The following DGKB variants were observed in gnomAD, a reference collection of about 807,000 sequenced individuals.
DGKB encodes the protein diacylglycerol kinase beta, also known as 90 kDa diacylglycerol kinase.
A neutral mutation model predicts 114.3 loss-of-function variants in DGKB; 67 were observed. The ratio of observed to expected loss-of-function variants is 0.59; its 90% CI spans 0.48 to 0.72. The LOEUF is 0.72. Among genes scored for constraint, DGKB ranks in the 30% least tolerant of loss-of-function variants. The pLI, the probability that DGKB is intolerant of heterozygous loss-of-function variation, is 0.00. For synonymous variants in DGKB, 398 were observed against 323.1 expected (o/e 1.23, Z -2.49); for missense variants, 907 against 975.2 (o/e 0.93, Z 0.93).
chr7:14,649,544 A>C lies in DGKB; in HGVS notation c.1135-19276T>G, dbSNP rs969976058. Among the ~76,000 whole-genome samples the C allele has an allele frequency of 6.6e-5, 10 of 152,270 alleles. No individual in the cohort carries two copies. The South Asian group carries it at 1.5e-3, about 22-fold the overall frequency. ...CGGTACCAGTTGCTGCAAAATCATG[A>C]CAAAATGTAAAGACCATCAACACTA... On this transcript the variant is annotated intron_variant, in intron 13 of 25. Transcript: ENST00000402815.
chr7:14,790,166 C>A (rs1054807609), intron 2 of DGKB, among the ~76,000 whole-genome samples: 1 of 152,014 alleles, frequency 6.6e-6, no homozygotes, highest in African/African-American at 2.4e-5. Flanking sequence ...TCGAATTTTG[C>A]GAGTTCATTA....
chr7:14,278,451 T>A (rs967704055), intron 23 of DGKB, among the ~76,000 whole-genome samples: 2 of 152,148 alleles, frequency 1.3e-5, no homozygotes, highest in African/African-American at 4.8e-5. Context: ...TGCAGAGGAA[T>A]GAAACTTGAT....
intron 4 of DGKB, among the ~76,000 whole-genome samples, chr7:14,750,834 T>A (rs10234845): frequency 8.0e-6 from 1 of 125,426 alleles, no homozygotes; most frequent in Non-Finnish European, 1.6e-5. Context: ...AGAGTCTCAC[T>A]CTGTTGTTGC....
At chr7:14,610,395 G>A (rs977046447) in intron 16 of DGKB, among the ~76,000 whole-genome samples, 1 of 152,002 alleles carries the variant, frequency 6.6e-6, no homozygotes, top group African/African-American at 2.4e-5. Flanking sequence ...AGGAAGAAGT[G>A]GAGGAAGATA....
At chr7:14,231,796 A>G (rs986974622) in intron 23 of DGKB, among the ~76,000 whole-genome samples, 4 of 151,980 alleles carry the variant, frequency 2.6e-5, no homozygotes, top group Admixed American at 2.0e-4. Context: ...ATCTTTATTG[A>G]TTTTCGAGGA....
chr7:14,324,700 C>A (rs1034857261), intron 23 of DGKB, among the ~76,000 whole-genome samples: 3 of 151,996 alleles, frequency 2.0e-5, no homozygotes, highest in African/African-American at 7.2e-5. Flanking sequence ...GTGATGTTTT[C>A]CTTTTTAATT....
intron 19 of DGKB, among the ~76,000 whole-genome samples, chr7:14,580,459 A>T (rs890088294): frequency 1.3e-5 from 2 of 151,848 alleles, no homozygotes; most frequent in African/African-American, 4.8e-5. Flanking sequence ...TAACGTATTC[A>T]CTCCTGGGAA....
chr7:14,289,286 C>A (rs1167526164), intron 23 of DGKB, among the ~76,000 whole-genome samples: 1 of 149,208 alleles, frequency 6.7e-6, no homozygotes, highest in Non-Finnish European at 1.5e-5. Context: ...AGTAATGAGA[C>A]AAATAGAGTG....
At chr7:14,596,566 CATATT>C (rs1209812018) in intron 17 of DGKB, among the ~76,000 whole-genome samples, 1 of 152,110 alleles carries the variant, frequency 6.6e-6, no homozygotes, top group Non-Finnish European at 1.5e-5. Context: ...CCATGAACCA[CATATT>C]ATAAGTCTCA....
chr7:14,646,919 G>T (rs1029546334), intron 13 of DGKB, among the ~76,000 whole-genome samples: 2 of 151,120 alleles, frequency 1.3e-5, no homozygotes, highest in African/African-American at 4.9e-5. Flanking sequence ...CAAGAAACTA[G>T]AAAAGCAAGA....
At chr7:14,659,388 T>G (rs1816560208) in intron 13 of DGKB, among the ~76,000 whole-genome samples, 1 of 152,046 alleles carries the variant, frequency 6.6e-6, no homozygotes, top group African/African-American at 2.4e-5. Flanking sequence ...TCCATTTGTT[T>G]GTATCCTCTT....
intron 23 of DGKB, among the ~76,000 whole-genome samples, chr7:14,257,323 T>G (rs6955524): frequency 0.33 from 50,789 of 151,974 alleles, 9,221 homozygotes; most frequent in Non-Finnish European, 0.4. Flanking sequence ...CAGACATTTT[T>G]ATTAGCTTGG....
intron 23 of DGKB, chr7:14,191,449 G>A (rs1391704437): frequency 5.8e-6 from 1 of 173,274 alleles, no homozygotes; most frequent in African/African-American, 2.4e-5. Flanking sequence ...AGATGGCAAT[G>A]CCAGTGGAAC....
intron 23 of DGKB, among the ~76,000 whole-genome samples, chr7:14,280,007 G>C (rs191867089): frequency 6.6e-6 from 1 of 151,734 alleles, no homozygotes; most frequent in African/African-American, 2.4e-5. Flanking sequence ...AAAGCTGGAC[G>C]GAGAATGACT....
chr7:14,769,099 AAGAAAGAAAGAAAGAAAGAAAGAAAGAG>A (rs767681180), intron 2 of DGKB, among the ~76,000 whole-genome samples: 6,018 of 139,292 alleles, frequency 0.043, 220 homozygotes, highest in Admixed American at 0.097. Context: ...GAAAGAAAGA[AAGAAAGAAAGAAAGAAAGAAAGAAAGAG>A]AGAGAGAGAA....
intron 1 of DGKB, among the ~76,000 whole-genome samples, chr7:14,870,743 C>T (rs991229589): frequency 2.6e-5 from 4 of 151,790 alleles, no homozygotes; most frequent in African/African-American, 9.7e-5. Context: ...TGCAGTGAGC[C>T]GAGATAGTAC....
chr7:14,471,581 G>A (rs183507492), intron 21 of DGKB, among the ~76,000 whole-genome samples: 272 of 151,236 alleles, frequency 1.8e-3, no homozygotes, highest in African/African-American at 6.1e-3. Context: ...AGTGCTCAGG[G>A]ATTTATGTTA....
At chr7:14,411,161 C>T (rs1824813748) in intron 21 of DGKB, among the ~76,000 whole-genome samples, 1 of 152,114 alleles carries the variant, frequency 6.6e-6, no homozygotes, top group Non-Finnish European at 1.5e-5. Flanking sequence ...ATATTCAACA[C>T]CGTTATAAAA....
intron 15 of DGKB, among the ~76,000 whole-genome samples, chr7:14,614,856 G>T (rs1806227165): frequency 6.6e-6 from 1 of 151,984 alleles, no homozygotes; most frequent in Admixed American, 6.6e-5. Flanking sequence ...AATTCAGCTG[G>T]GAGAAGGATG....
Sources: allele counts gnomAD v4.1 joint callset (sites outside exome capture counted in the v4.1 genomes callset), GRCh38; gene constraint gnomAD v4.1.1; transcripts MANE v1.5; gene names NCBI Gene and HGNC (gene_info 2026-07-23, HGNC 2026-07-21).